Variants in ZNF236 observed in about 807,000 individuals in gnomAD.
The protein encoded by ZNF236 is zinc finger protein 236, also known as regulated by glucose.
In ZNF236, 50 loss-of-function variants were observed where a neutral mutation model predicts 191.2. The observed-to-expected ratio is 0.26, with a 90% CI of 0.21 to 0.33. The LOEUF (loss-of-function observed/expected upper bound fraction) is 0.33. Among genes scored for constraint, ZNF236 ranks in the 10% least tolerant of loss-of-function variants. The pLI, the probability that ZNF236 is intolerant of heterozygous loss-of-function variation, is 1.00. For missense variants in ZNF236, 1,754 were observed against 2,374.5 expected, an observed-to-expected ratio of 0.74 and a Z score of 5.43; for synonymous variants, 907 against 928.8, an observed-to-expected ratio of 0.98 and a Z score of 0.43.
At chr18:76,848,794 T>TA (rs1975776222) in intron 1 of ZNF236, among the ~76,000 whole-genome samples, 1 of 152,110 alleles carries the variant, frequency 6.6e-6, no homozygotes, top group Non-Finnish European at 1.5e-5. Flanking sequence ...GCCTCCCGAA[T>TA]AGGTAGGACT....
At position 76,881,389 on chromosome 18, in the gene ZNF236, T is replaced by C. The variant is rs760306302; in HGVS notation, c.1294T>C (p.Ser432Pro). The change falls in exon 9 of 31, where the codon TCC becomes CCC. Residue 432 changes from serine to proline, a missense_variant. By Grantham distance (74) the Ser-to-Pro change is moderately conservative. Coordinates refer to ENST00000320610, the MANE Select transcript of ZNF236 (RefSeq NM_001306089.2). ...ACCACACGCTCAAAACCCAGATGTT[T>C]CCAGCGTTTCAAATGAGCAGACGGA... is the stretch of plus-strand genomic sequence containing the variant. ...SAPHAQNPDV[S>P]SVSNEQTDPT... 9.9e-6 allele frequency: 16 copies of C among 1,613,758 alleles called. No individual in the cohort carries two copies. The East Asian group carries it at 3.1e-4, about 31-fold the overall frequency.
chr18:76,837,176 A>G (rs1261134684), intron 1 of ZNF236, among the ~76,000 whole-genome samples: 2 of 128,280 alleles, frequency 1.6e-5, no homozygotes, highest in African/African-American at 2.9e-5. Flanking sequence ...AATTACAGGC[A>G]TGTGCTGCCA....
intron 3 of ZNF236, among the ~76,000 whole-genome samples, chr18:76,859,324 T>C (rs1568199171): frequency 6.6e-6 from 1 of 152,056 alleles, no homozygotes; most frequent in Non-Finnish European, 1.5e-5. Context: ...CTGGTATGTC[T>C]TGCACGTGTT....
In ZNF236 at chr18:76,960,658, C is replaced by T. The variant is rs1218521458; in HGVS notation, c.5243-21C>T. On this transcript the variant is annotated intron_variant, in intron 29 of 30. Coordinates refer to ENST00000320610, the MANE Select transcript of ZNF236 (RefSeq NM_001306089.2). This position sits in a 1 kb window ranked among gnomAD's most constrained non-coding sequence, Gnocchi z 4.4. ...ACTATACTTTTCTTAGAGACATTGA[C>T]ATATGCCATTTTCTGTACAGGGGAG... The T allele has an allele frequency of 1.2e-6, 2 of 1,614,130 alleles. No homozygotes were observed. Among genetic ancestry groups the T allele is most frequent in the Non-Finnish European group, 8.5e-7 (1 of 1,179,998 alleles).
rs1301433062 is a variant in ZNF236 at position 76,842,173 on chromosome 18, A to G, written c.56-7353A>G. 2.0e-5 allele frequency among the ~76,000 whole-genome samples: 3 copies of G among 152,128 alleles called. No individual in the cohort carries two copies. In the East Asian group the frequency reaches 5.8e-4, roughly 29 times the overall value. On this transcript the variant is annotated intron_variant, in intron 1 of 30. Transcript: ENST00000320610. The stretch of plus-strand genomic sequence containing the variant: ...TCTGGATGTTAGTTTTCTTATCCAC[A>G]AGGGCATTGATAATATGACTGGCCT...
rs373428289 is a variant in ZNF236, at chr18:76,908,429, G to C, written c.2407G>C (p.Glu803Gln). 4.3e-6 allele frequency: 7 copies of C among 1,613,664 alleles called. No homozygotes were observed. The highest frequency in any genetic ancestry group is 5.1e-6 in the Non-Finnish European group (6 of 1,179,860). Residue 803 changes from glutamate (E) to glutamine (Q), a missense_variant, in exon 14 of 31, where the codon GAG becomes CAG. Glu to Gln is a conservative substitution (Grantham distance 29, BLOSUM62 2). Transcript: ENST00000320610. ...CTCCACTCAAATGCAGGTGGAGATC[G>C]AGAGCGACGAGCTGCCGCAGACGGC... Reference protein sequence around the residue: ...QASTQMQVEIESDELPQTAEV... With the variant: ...QASTQMQVEIQSDELPQTAEV...
chr18:76,954,215 A>G (rs897113279), intron 27 of ZNF236, among the ~76,000 whole-genome samples: 2 of 152,236 alleles, frequency 1.3e-5, no homozygotes, highest in Admixed American at 6.5e-5. Context: ...ATGCTGAAAA[A>G]TATTTTACAG....
chr18:76,846,148 C>T (rs772127679), intron 1 of ZNF236, among the ~76,000 whole-genome samples: 15 of 151,948 alleles, frequency 9.9e-5, no homozygotes, highest in Non-Finnish European at 1.2e-4. Context: ...GAGACAGTCT[C>T]GCTATATTGC....
At chr18:76,891,601 C>T (rs947749109) in intron 9 of ZNF236, among the ~76,000 whole-genome samples, 21 of 152,146 alleles carry the variant, frequency 1.4e-4, no homozygotes, top group African/African-American at 4.1e-4. Flanking sequence ...TGGTCTTGAA[C>T]TCCTGGCCTG....
intron 30 of ZNF236, among the ~76,000 whole-genome samples, chr18:76,962,434 G>C (rs1420830730): frequency 6.6e-6 from 1 of 152,134 alleles, no homozygotes; most frequent in Non-Finnish European, 1.5e-5. Flanking sequence ...TTTTATACCA[G>C]TACCATGCTG....
chr18:76,866,405 C>G (rs948864751), intron 3 of ZNF236, among the ~76,000 whole-genome samples: 9 of 151,698 alleles, frequency 5.9e-5, no homozygotes, highest in African/African-American at 2.2e-4. Context: ...AAGGCCAGGA[C>G]AGGAGACAGG....
chr18:76,937,593 G>A (rs142525437), intron 26 of ZNF236, among the ~76,000 whole-genome samples: 1,564 of 152,138 alleles, frequency 0.01, 18 homozygotes, highest in Non-Finnish European at 0.014. Context: ...TGGAACCACA[G>A]TTAACATTTT....
intron 27 of ZNF236, among the ~76,000 whole-genome samples, chr18:76,951,622 T>C (rs1208575666): frequency 6.6e-6 from 1 of 152,256 alleles, no homozygotes; most frequent in African/African-American, 2.4e-5. Context: ...TTTCTGCTTA[T>C]CAGCAACAGT....
At chr18:76,862,159 G>T (rs936674464) in intron 3 of ZNF236, among the ~76,000 whole-genome samples, 1 of 152,092 alleles carries the variant, frequency 6.6e-6, no homozygotes, top group African/African-American at 2.4e-5. Context: ...CACCCTGCCC[G>T]GCCTGGGTTT....
chr18:76,904,702 T>C (rs1398455541), intron 12 of ZNF236, among the ~76,000 whole-genome samples, 181 bp downstream of exon 12: 1 of 152,238 alleles, frequency 6.6e-6, no homozygotes, highest in Non-Finnish European at 1.5e-5. Context: ...CTAAAATATT[T>C]TATCCAGAAA....
intron 27 of ZNF236, among the ~76,000 whole-genome samples, chr18:76,950,945 A>G (rs1968392750): frequency 6.6e-6 from 1 of 152,252 alleles, no homozygotes. Context: ...GTACATCTCC[A>G]TCACAGCTCT....
intron 30 of ZNF236, among the ~76,000 whole-genome samples, chr18:76,964,577 T>C (rs1459185550): frequency 6.6e-6 from 1 of 152,242 alleles, no homozygotes; most frequent in East Asian, 1.9e-4. Flanking sequence ...TATTAAGTCC[T>C]TTTGTTCCAA....
chr18:76,878,021 C>A lies in ZNF236; in HGVS notation c.853C>A (p.Pro285Thr). Residue 285 changes from proline (P) to threonine (T), a missense_variant, in exon 7 of 31, where the codon CCT becomes ACT. By Grantham distance (38) the Pro-to-Thr change is conservative (BLOSUM62 -1). Transcript: ENST00000320610. ...TTTATTCTTTAAGGTCAAGAATGGT[C>A]CTACCTATAACTGTACAGAATGTAG... ...QRVHSEVKNGPTYNCTECSCV... is the reference protein window; with the variant it reads ...QRVHSEVKNGTTYNCTECSCV... The A allele has an allele frequency of 1.3e-6, 2 of 1,595,298 alleles. No homozygotes were observed. The highest frequency in any genetic ancestry group is 1.7e-5 in the Admixed American group (1 of 57,806).
intron 4 of ZNF236, among the ~76,000 whole-genome samples, chr18:76,871,340 A>G (rs868693511): frequency 6.6e-6 from 1 of 152,088 alleles, no homozygotes; most frequent in African/African-American, 2.4e-5. Context: ...GCGGAGAGCA[A>G]GAGACTGGAG....
Sources: allele counts gnomAD v4.1 joint callset (sites outside exome capture counted in the v4.1 genomes callset), GRCh38; gene constraint gnomAD v4.1.1; non-coding constraint Gnocchi (gnomAD v3.1); transcripts MANE v1.5; gene names NCBI Gene and HGNC (gene_info 2026-07-23, HGNC 2026-07-21).